SEMA6A: variants seen among roughly 807,000 people sequenced by gnomAD.
SEMA6A encodes the protein semaphorin-6A.
SEMA6A carries 25 observed loss-of-function variants against 96.8 expected under a neutral mutation model. The ratio of observed to expected loss-of-function variants is 0.26; its 90% CI spans 0.19 to 0.36. SEMA6A has a LOEUF of 0.36. Among genes scored for constraint, SEMA6A ranks in the 10% least tolerant of loss-of-function variants. The probability of loss-of-function intolerance (pLI) is 1.00; values close to 1 mark genes in which losing one functional copy is unlikely to be tolerated. For missense variants in SEMA6A, 1,363 were observed against 1,323.1 expected, an observed-to-expected ratio of 1.03 and a Z score of -0.47; for synonymous variants, 612 against 518.0, an observed-to-expected ratio of 1.18 and a Z score of -2.46.
At position 116,566,239 on chromosome 5, in the gene SEMA6A, G is replaced by A. The variant is rs557984892; in HGVS notation, c.-39+7946C>T. Among the ~76,000 whole-genome samples the A allele has an allele frequency of 8.7e-4, 133 of 152,152 alleles. 1 individual carries two copies. Among genetic ancestry groups the A allele is most frequent in the Non-Finnish European group, 1.6e-3 (107 of 68,024 alleles). ...GAGGGGCAGAAGGGCTAAGAAAGGC[G>A]TAAACAGCACCAACTTTAGAGCTTC... On this transcript the variant is annotated intron_variant, in intron 1 of 18. Coordinates refer to ENST00000343348, the MANE Select transcript of SEMA6A (RefSeq NM_020796.5).
At position 116,513,598 on chromosome 5, in the gene SEMA6A, TTTC is replaced by T. The variant is rs1307919131; in HGVS notation, c.-38-8619_-38-8617del. ...TTCATTCCCAAACCTTCCTCTTGAT[TTTC>T]TTTTTTTTTTTTTTTAATTTCCAAC... On this transcript the variant is annotated intron_variant, in intron 1 of 18. Transcript: ENST00000343348. Among the ~76,000 whole-genome samples the T allele has an allele frequency of 5.6e-3, 785 of 139,994 alleles. 12 individuals are homozygous for T. The highest frequency in any genetic ancestry group is 0.019 in the African/African-American group (706 of 36,378). 91.8% of individuals were successfully genotyped at this position (139,994 alleles called of 152,430 possible).
intron 1 of SEMA6A, among the ~76,000 whole-genome samples, 179 bp downstream of exon 1, chr5:116,574,006 C>T (rs780428893): frequency 2.3e-4 from 35 of 151,672 alleles, no homozygotes; most frequent in Non-Finnish European, 3.7e-4. Flanking sequence ...AGAGGAAAGG[C>T]AGGCAGGGCT....
intron 18 of SEMA6A, among the ~76,000 whole-genome samples, chr5:116,465,310 A>G (rs114854578): frequency 5.9e-5 from 9 of 152,226 alleles, no homozygotes; most frequent in Non-Finnish European, 1.2e-4. Context: ...AAATGAAACA[A>G]AAGTTGAAAA....
intron 1 of SEMA6A, among the ~76,000 whole-genome samples, chr5:116,573,460 C>G (rs1761322029): frequency 6.6e-6 from 1 of 152,110 alleles, no homozygotes; most frequent in Non-Finnish European, 1.5e-5. Context: ...GGGACAGGAC[C>G]CATGGCGGGG....
intron 1 of SEMA6A, among the ~76,000 whole-genome samples, chr5:116,551,692 G>A (rs552825328): frequency 1.3e-5 from 2 of 152,146 alleles, no homozygotes; most frequent in South Asian, 2.1e-4. Context: ...TTTCATTTGC[G>A]GACATCTTTT....
At chr5:116,505,237 C>CT (rs1270984963) in intron 1 of SEMA6A, among the ~76,000 whole-genome samples, 2 of 152,102 alleles carry the variant, frequency 1.3e-5, no homozygotes, top group African/African-American at 2.4e-5. Context: ...CCTGAGCCAT[C>CT]TTTAGGCTTT....
At chr5:116,457,498 TA>T (rs1461941309) in intron 18 of SEMA6A, among the ~76,000 whole-genome samples, 3 of 152,118 alleles carry the variant, frequency 2.0e-5, no homozygotes, top group Non-Finnish European at 4.4e-5. Context: ...TGCATCCTTT[TA>T]AAAAATATGA....
intron 1 of SEMA6A, among the ~76,000 whole-genome samples, chr5:116,570,860 C>A (rs1048062453): frequency 3.3e-5 from 5 of 152,182 alleles, no homozygotes; most frequent in Admixed American, 6.5e-5. Flanking sequence ...AATACAAGTT[C>A]TTAATTTGGA....
chr5:116,564,222 GC>G (rs1390895708), intron 1 of SEMA6A, among the ~76,000 whole-genome samples: 1 of 152,156 alleles, frequency 6.6e-6, no homozygotes, highest in African/African-American at 2.4e-5. Context: ...TTAAAACGCT[GC>G]CTTGAAGCTC....
intron 1 of SEMA6A, among the ~76,000 whole-genome samples, chr5:116,552,984 C>G (rs985062700): frequency 2.6e-5 from 4 of 152,158 alleles, no homozygotes; most frequent in African/African-American, 7.2e-5. Context: ...TGGCCCTGCT[C>G]TAGGGAGCAT....
At chr5:116,528,546 A>G (rs895857941) in intron 1 of SEMA6A, among the ~76,000 whole-genome samples, 9 of 152,226 alleles carry the variant, frequency 5.9e-5, no homozygotes, top group Admixed American at 3.3e-4. Context: ...AGCTTGCGAT[A>G]GGACCCTGGC....
At chr5:116,468,056 C>T (rs1054552209) in intron 17 of SEMA6A, 18 of 331,788 alleles carry the variant, frequency 5.4e-5, no homozygotes, top group Non-Finnish European at 9.0e-5. Flanking sequence ...AGATACCTCT[C>T]GGTGTTGGGA....
chr5:116,536,035 C>A (rs1759691330), intron 1 of SEMA6A, among the ~76,000 whole-genome samples: 1 of 152,192 alleles, frequency 6.6e-6, no homozygotes. Flanking sequence ...GCTTTTAGTT[C>A]AGCCAGTTCT....
At chr5:116,477,502 ATCTAATTGGTATCCTATTGCTCCTTTTC>A (rs1756513950) in intron 15 of SEMA6A, among the ~76,000 whole-genome samples, 1 of 152,144 alleles carries the variant, frequency 6.6e-6, no homozygotes, top group Non-Finnish European at 1.5e-5. Flanking sequence ...CCACTCACTA[ATCTAATTGGTATCCTATTGCTCCTTTTC>A]TCTGCTTTTC....
intron 1 of SEMA6A, among the ~76,000 whole-genome samples, chr5:116,538,427 C>CA (rs1215398153): frequency 6.6e-6 from 1 of 152,164 alleles, no homozygotes; most frequent in Non-Finnish European, 1.5e-5. Flanking sequence ...CAGGACACAA[C>CA]ACCACTTTCT....
intron 1 of SEMA6A, among the ~76,000 whole-genome samples, chr5:116,549,298 C>T (rs1200481503): frequency 6.6e-6 from 1 of 152,136 alleles, no homozygotes; most frequent in African/African-American, 2.4e-5. Context: ...CCTCCCATAG[C>T]GTATGGAGAG....
intron 1 of SEMA6A, among the ~76,000 whole-genome samples, chr5:116,547,431 C>T (rs1760229936): frequency 6.6e-6 from 1 of 151,942 alleles, no homozygotes; most frequent in African/African-American, 2.4e-5. Context: ...ATTTGAAATG[C>T]CAGCAAATTT....
chr5:116,458,788 G>A (rs1755179416), intron 18 of SEMA6A, among the ~76,000 whole-genome samples: 1 of 151,864 alleles, frequency 6.6e-6, no homozygotes, highest in Admixed American at 6.6e-5. Context: ...GATAAATTCA[G>A]CAAGTTGTCA....
At chr5:116,539,590 C>CGTGT (rs138539399) in intron 1 of SEMA6A, among the ~76,000 whole-genome samples, 11,114 of 144,874 alleles carry the variant, frequency 0.077, 814 homozygotes, top group African/African-American at 0.19. Flanking sequence ...TAATTCTGTG[C>CGTGT]GTGTGTGTGT....
Sources: gnomAD v4.1 joint callset for allele counts (sites outside exome capture counted in the v4.1 genomes callset) on GRCh38, gnomAD v4.1.1 for gene constraint, MANE v1.5 for transcripts, NCBI Gene and HGNC (gene_info 2026-07-23, HGNC 2026-07-21) for gene names.